Variants in MAML2 observed in about 807,000 individuals in gnomAD.
MAML2 encodes mastermind like transcriptional coactivator 2.
In MAML2, 22 loss-of-function variants were observed where a neutral mutation model predicts 96.1. That is an observed-to-expected ratio of 0.23 (90% CI 0.16 to 0.33). MAML2 has a LOEUF of 0.33. Among genes scored for constraint, MAML2 ranks in the 10% least tolerant of loss-of-function variants. MAML2 has a pLI of 1.00. For missense variants in MAML2, 1,367 were observed against 1,392.4 expected, an observed-to-expected ratio of 0.98 and a Z score of 0.29; for synonymous variants, 561 against 521.3, an observed-to-expected ratio of 1.08 and a Z score of -1.04.
intron 2 of MAML2, among the ~76,000 whole-genome samples, chr11:96,086,058 G>A (rs1182931139): frequency 6.6e-6 from 1 of 152,214 alleles, no homozygotes; most frequent in Non-Finnish European, 1.5e-5. Flanking sequence ...ATATAGAATG[G>A]ATTGTTAAGG....
intron 3 of MAML2, among the ~76,000 whole-genome samples, chr11:95,988,926 C>T (rs1459591656): frequency 6.6e-6 from 1 of 152,124 alleles, no homozygotes; most frequent in Non-Finnish European, 1.5e-5. Context: ...TGTTATAGTA[C>T]ATATCTGTTC....
rs140883762 is a variant in MAML2 at position 96,082,858 on chromosome 11, C to A, written c.2139+9034G>T. On this transcript the variant is annotated intron_variant, in intron 2 of 4. Transcript: ENST00000524717. ...CATGCAGTGGTGTCGGCAGTAGCAC[C>A]TGGGAAGGGAGAGAGGAAGTATGCT... Among the ~76,000 whole-genome samples the A allele has an allele frequency of 3.6e-3, 543 of 152,268 alleles. 4 individuals carry two copies. Among genetic ancestry groups the A allele is most frequent in the African/African-American group, 0.012 (514 of 41,544 alleles).
At chr11:96,118,624 A>T (rs759253358) in intron 1 of MAML2, among the ~76,000 whole-genome samples, 1 of 152,216 alleles carries the variant, frequency 6.6e-6, no homozygotes, top group Non-Finnish European at 1.5e-5. Flanking sequence ...TTGTTGAACT[A>T]AGAAAGACAT....
At chr11:96,331,796 C>T (rs559509657) in intron 1 of MAML2, among the ~76,000 whole-genome samples, 33 of 131,084 alleles carry the variant, frequency 2.5e-4, no homozygotes, top group Non-Finnish European at 4.0e-4. Flanking sequence ...CCAGCGTGGG[C>T]GAAAGAGTGA....
intron 1 of MAML2, among the ~76,000 whole-genome samples, chr11:96,251,138 T>C (rs1303955432): frequency 6.6e-6 from 1 of 152,250 alleles, no homozygotes; most frequent in Non-Finnish European, 1.5e-5. Flanking sequence ...CATTCTCTTC[T>C]GCCATTGATG....
chr11:96,104,471 C>T (rs1859989376), intron 1 of MAML2, among the ~76,000 whole-genome samples: 1 of 152,210 alleles, frequency 6.6e-6, no homozygotes, highest in Middle Eastern at 3.4e-3. Context: ...TACATCTGCC[C>T]TTGCTAACTC....
intron 2 of MAML2, among the ~76,000 whole-genome samples, chr11:96,023,935 A>G (rs991678462): frequency 4.6e-5 from 7 of 152,230 alleles, no homozygotes; most frequent in East Asian, 1.9e-4. Flanking sequence ...TTAAAAATGG[A>G]TAAGTCTCCT....
intron 1 of MAML2, among the ~76,000 whole-genome samples, chr11:96,194,981 A>T (rs191603101): frequency 1.1e-4 from 16 of 152,362 alleles, no homozygotes; most frequent in Non-Finnish European, 4.4e-5. Context: ...CAGATTAAAA[A>T]TATTCACATC....
intron 2 of MAML2, among the ~76,000 whole-genome samples, chr11:96,040,929 C>T (rs1300898127): frequency 6.6e-6 from 1 of 152,154 alleles, no homozygotes; most frequent in African/African-American, 2.4e-5. Flanking sequence ...TTTAATCAGG[C>T]TTCTTTCTCT....
chr11:96,001,806 T>A (rs1468526289), intron 2 of MAML2, among the ~76,000 whole-genome samples: 1 of 152,198 alleles, frequency 6.6e-6, no homozygotes, highest in East Asian at 1.9e-4. Context: ...TTCCATGATC[T>A]GGGCTCTGCA....
At chr11:96,135,359 T>C (rs760765606) in intron 1 of MAML2, among the ~76,000 whole-genome samples, 3 of 152,180 alleles carry the variant, frequency 2.0e-5, no homozygotes, top group African/African-American at 4.8e-5. Context: ...TATTCTGTTA[T>C]AGCAACACAA....
In MAML2 at chr11:96,280,777, C is replaced by T. The variant is rs112508789; in HGVS notation, c.513+60606G>A. On this transcript the variant is annotated intron_variant, in intron 1 of 4. Coordinates refer to ENST00000524717, the MANE Select transcript of MAML2 (RefSeq NM_032427.4). ...ATGAGTGGTAGCTAAAAGTCCTTTC[C>T]CTCTGGTGTTGTTATTTGGTTAAAT... Among the ~76,000 whole-genome samples the T allele has an allele frequency of 7.4e-4, 113 of 152,236 alleles. 1 individual carries two copies. The highest frequency in any genetic ancestry group is 2.7e-3 in the African/African-American group (111 of 41,522).
At chr11:96,339,990 G>A (rs767741882) in intron 1 of MAML2, among the ~76,000 whole-genome samples, 3 of 152,208 alleles carry the variant, frequency 2.0e-5, no homozygotes, top group Admixed American at 6.5e-5. Context: ...CAGTTTAACT[G>A]TTGGTAGTTA....
intron 1 of MAML2, among the ~76,000 whole-genome samples, chr11:96,171,067 GC>G (rs1455708016): frequency 6.6e-6 from 1 of 151,784 alleles, no homozygotes; most frequent in African/African-American, 2.4e-5. Flanking sequence ...GACTAGTTGA[GC>G]CCTGGGTTCC....
intron 1 of MAML2, among the ~76,000 whole-genome samples, chr11:96,201,102 G>GA (rs1199214544): frequency 6.6e-6 from 1 of 152,112 alleles, no homozygotes; most frequent in African/African-American, 2.4e-5. Flanking sequence ...CATTGTAAGG[G>GA]ATCTTCATGG....
At chr11:96,252,482 G>C (rs895924428) in intron 1 of MAML2, among the ~76,000 whole-genome samples, 1 of 144,878 alleles carries the variant, frequency 6.9e-6, no homozygotes, top group Non-Finnish European at 1.5e-5. Context: ...CTGGAGTGCA[G>C]TGGAGCGATC....
chr11:96,298,241 GT>G (rs1263318178), intron 1 of MAML2, among the ~76,000 whole-genome samples: 1 of 152,198 alleles, frequency 6.6e-6, no homozygotes, highest in Non-Finnish European at 1.5e-5. Context: ...GCATGCTTAT[GT>G]TCTGATTAGG....
chr11:96,314,437 T>C (rs889509500), intron 1 of MAML2, among the ~76,000 whole-genome samples: 1 of 152,246 alleles, frequency 6.6e-6, no homozygotes, highest in Non-Finnish European at 1.5e-5. Flanking sequence ...GACCAGCTTG[T>C]TTAACATTTC....
chr11:96,269,654 G>A (rs185859711), intron 1 of MAML2, among the ~76,000 whole-genome samples: 1 of 143,760 alleles, frequency 7.0e-6, no homozygotes, highest in Non-Finnish European at 1.5e-5. Context: ...GGGATTACAG[G>A]TCCATGCCAC....
Sources: gnomAD v4.1 joint callset for allele counts (sites outside exome capture counted in the v4.1 genomes callset) on GRCh38, gnomAD v4.1.1 for gene constraint, MANE v1.5 for transcripts, NCBI Gene and HGNC (gene_info 2026-07-23, HGNC 2026-07-21) for gene names.